The following SEMA3A variants were observed in gnomAD, a reference collection of about 807,000 sequenced individuals.
SEMA3A encodes semaphorin 3A.
Under a neutral mutation model 97.9 loss-of-function variants are expected in SEMA3A, and 29 were observed. The ratio of observed to expected loss-of-function variants is 0.30; its 90% CI spans 0.22 to 0.40. The LOEUF is 0.40. Among genes scored for constraint, SEMA3A ranks in the 10% least tolerant of loss-of-function variants. The pLI is 1.00. For synonymous variants in SEMA3A, 321 were observed against 323.7 expected, an observed-to-expected ratio of 0.99 and a Z score of 0.09; for missense variants, 763 against 951.3, an observed-to-expected ratio of 0.80 and a Z score of 2.60.
At chr7:84,344,077 T>C (rs1224015036) in intron 2 of SEMA3A, among the ~76,000 whole-genome samples, 1 of 152,106 alleles carries the variant, frequency 6.6e-6, no homozygotes, top group Non-Finnish European at 1.5e-5. Context: ...TAATCTGACT[T>C]TACAAAAAAT....
intron 4 of SEMA3A, among the ~76,000 whole-genome samples, chr7:84,083,413 T>C (rs1794227559): frequency 6.8e-6 from 1 of 147,316 alleles, no homozygotes; most frequent in African/African-American, 2.6e-5. Flanking sequence ...GGGATATCTA[T>C]CACCTTAGGC....
rs1018330495 is a variant in SEMA3A at position 84,365,548 on chromosome 7, C to T, written c.-169+6276G>A. Among the ~76,000 whole-genome samples, 6 of 151,528 alleles carry T rather than the reference C, an allele frequency of 4.0e-5. No individual in the cohort carries two copies. In the Admixed American group the frequency reaches 4.0e-4, roughly 10 times the overall value. ...TTCACTTTTGCGAAGACTTCTTTCT[C>T]AAAGTAAATATGACTGTATCTCATA... On this transcript the variant is annotated intron_variant, in intron 2 of 3. Coordinates refer to the SEMA3A transcript ENST00000424555.
At chr7:84,371,052 C>T (rs1802962694) in intron 2 of SEMA3A, among the ~76,000 whole-genome samples, 1 of 151,282 alleles carries the variant, frequency 6.6e-6, no homozygotes, top group Admixed American at 6.6e-5. Flanking sequence ...TATATCTACC[C>T]TATCTAACAT....
At chr7:84,408,606 T>C (rs75540162) in intron 1 of SEMA3A, among the ~76,000 whole-genome samples, 81,012 of 151,458 alleles carry the variant, frequency 0.53, 23,316 homozygotes, top group East Asian at 0.91. Context: ...ATGTTTATTG[T>C]GGCACTATTC....
chr7:84,038,171 C>T (rs1311712981), intron 6 of SEMA3A, among the ~76,000 whole-genome samples: 1 of 151,896 alleles, frequency 6.6e-6, no homozygotes. Flanking sequence ...AATGAGCAGA[C>T]ACCATTAAGC....
chr7:84,451,957 A>C (rs1408272773), intron 1 of SEMA3A, among the ~76,000 whole-genome samples: 3 of 152,192 alleles, frequency 2.0e-5, no homozygotes, highest in African/African-American at 7.2e-5. Context: ...ACATGGGTTA[A>C]ATTTGCAATC....
intron 1 of SEMA3A, among the ~76,000 whole-genome samples, chr7:84,420,241 A>G (rs1467023069): frequency 6.6e-6 from 1 of 151,978 alleles, no homozygotes; most frequent in Non-Finnish European, 1.5e-5. Context: ...CATTGTGTTT[A>G]TAATATAAAT....
chr7:84,044,377 G>T (rs1286835139), intron 6 of SEMA3A, among the ~76,000 whole-genome samples: 1 of 151,978 alleles, frequency 6.6e-6, no homozygotes, highest in Admixed American at 6.6e-5. Flanking sequence ...ATCCCTGGTG[G>T]CAGAGGAACA....
At chr7:84,146,729 G>A (rs1352326420) in intron 1 of SEMA3A, among the ~76,000 whole-genome samples, 1 of 152,166 alleles carries the variant, frequency 6.6e-6, no homozygotes, top group Non-Finnish European at 1.5e-5. Flanking sequence ...GAATTAAAGT[G>A]TAGATTCTTC....
Position 84,332,424 on chromosome 7 carries a change from C to T in SEMA3A, c.-168-25132G>A, listed in dbSNP as rs147684917. On this transcript the variant is annotated intron_variant, in intron 2 of 3. Transcript: ENST00000424555. ...ATGAAAAGAGATGTTCTTAATTCTA[C>T]GAAGTCTTGGACAGTAGTCTGCAGA... Among the ~76,000 whole-genome samples the T allele has an allele frequency of 2.4e-3, 365 of 152,208 alleles. 1 individual carries two copies. The highest frequency in any genetic ancestry group is 5.6e-3 in the Admixed American group (86 of 15,284).
chr7:84,488,380 G>T (rs1332783433), intron 1 of SEMA3A, among the ~76,000 whole-genome samples: 1 of 149,868 alleles, frequency 6.7e-6, no homozygotes, highest in Non-Finnish European at 1.5e-5. Flanking sequence ...CAGATAAGAA[G>T]AAAATTCAAT....
chr7:84,050,455 G>T (rs1259652858), intron 5 of SEMA3A, among the ~76,000 whole-genome samples: 1 of 151,884 alleles, frequency 6.6e-6, no homozygotes, highest in African/African-American at 2.4e-5. Context: ...TTCTCTGATG[G>T]CCAGTGATGG....
At chr7:84,108,045 A>G (rs4141151) in intron 4 of SEMA3A, among the ~76,000 whole-genome samples, 122,348 of 152,116 alleles carry the variant, frequency 0.8, 49,247 homozygotes, top group Admixed American at 0.85. Flanking sequence ...AATACAAAAT[A>G]TAAAAATACA....
At chr7:84,361,316 T>C (rs1005638001) in intron 2 of SEMA3A, among the ~76,000 whole-genome samples, 1 of 151,982 alleles carries the variant, frequency 6.6e-6, no homozygotes, top group East Asian at 1.9e-4. Context: ...TTTGTAAGAC[T>C]TATATTGAAT....
intron 1 of SEMA3A, among the ~76,000 whole-genome samples, chr7:84,447,486 C>T (rs1245447435): frequency 1.3e-5 from 2 of 152,144 alleles, no homozygotes; most frequent in African/African-American, 2.4e-5. Flanking sequence ...AATCAACACA[C>T]ACCTCCTCCC....
chr7:84,080,932 T>G (rs1794128325), intron 4 of SEMA3A, among the ~76,000 whole-genome samples: 1 of 152,012 alleles, frequency 6.6e-6, no homozygotes, highest in South Asian at 2.1e-4. Context: ...TTTTAAAGTT[T>G]ACATGTGGGG....
At chr7:84,111,274 A>G (rs1795270065) in intron 3 of SEMA3A, among the ~76,000 whole-genome samples, 1 of 152,192 alleles carries the variant, frequency 6.6e-6, no homozygotes. Context: ...CAAGGTGGGC[A>G]CACATGACAG....
At chr7:84,485,671 G>A (rs149016358) in intron 1 of SEMA3A, among the ~76,000 whole-genome samples, 61 of 152,130 alleles carry the variant, frequency 4.0e-4, no homozygotes, top group Non-Finnish European at 6.2e-4. Flanking sequence ...TACTGCTCCC[G>A]CTTTATGTGA....
At chr7:84,247,646 T>C (rs1197414513) in intron 3 of SEMA3A, among the ~76,000 whole-genome samples, 1 of 152,204 alleles carries the variant, frequency 6.6e-6, no homozygotes, top group Non-Finnish European at 1.5e-5. Flanking sequence ...CTGCAAGATG[T>C]AGAATAAATA....
Sources: gnomAD v4.1 joint callset for allele counts (sites outside exome capture counted in the v4.1 genomes callset) on GRCh38, gnomAD v4.1.1 for gene constraint, MANE v1.5 for transcripts, NCBI Gene and HGNC (gene_info 2026-07-23, HGNC 2026-07-21) for gene names.